Variants in TSC2 observed in about 807,000 individuals in gnomAD.
TSC2 encodes the protein tuberin.
In TSC2, 29 loss-of-function variants were observed where a neutral mutation model predicts 202.2. That is an observed-to-expected ratio of 0.14 (90% CI 0.11 to 0.20). TSC2 has a LOEUF of 0.20. Ranked by LOEUF, TSC2 falls within the 10% of genes least tolerant of loss-of-function variation. The pLI is 1.00. For missense variants in TSC2, 2,429 were observed against 2,420.0 expected (o/e 1.00, Z -0.08); for synonymous variants, 1,349 against 1,044.0 (o/e 1.29, Z -5.63).
intron 17 of TSC2, among the ~76,000 whole-genome samples, chr16:2,071,170 G>A (rs897711446): frequency 2.0e-5 from 3 of 152,238 alleles, no homozygotes; most frequent in African/African-American, 7.2e-5. Context: ...GAAGTGGCAG[G>A]GCTGGGAGCT....
In TSC2 at chr16:2,083,683, G is replaced by T; in HGVS notation, c.3884-12G>T. The T allele has an allele frequency of 6.4e-7, 1 of 1,573,582 alleles. No individual in the cohort carries two copies. Among genetic ancestry groups the T allele is most frequent in the Non-Finnish European group, 8.6e-7 (1 of 1,159,962 alleles). On this transcript the variant is annotated splice_polypyrimidine_tract_variant and intron_variant, in intron 32 of 41. Coordinates refer to ENST00000219476, the MANE Select transcript of TSC2 (RefSeq NM_000548.5). ...AGCCCCACATCCAGCAGCCCCGTCTGTGTCCTCCCAGACTCCGCCGTGGTC... is the reference window on the plus strand; with the variant it reads ...AGCCCCACATCCAGCAGCCCCGTCTTTGTCCTCCCAGACTCCGCCGTGGTC...
rs2086820146 is a variant in TSC2 at position 2,062,966 on chromosome 16, C to T, written c.1362-6C>T. On this transcript the variant is annotated splice_region_variant and splice_polypyrimidine_tract_variant and intron_variant, in intron 13 of 41. Transcript: ENST00000219476. ...CCACCCGCCCCAGCAGGCTGCCGTC[C>T]CGCAGGAGCGAGTCCCGAGGCGCCG... The T allele has an allele frequency of 6.5e-7, 1 of 1,549,944 alleles. No individual in the cohort carries two copies. The highest frequency in any genetic ancestry group is 1.2e-5 in the South Asian group (1 of 84,022).
In TSC2 at chr16:2,081,714, C is replaced by T. The variant is rs993614997; in HGVS notation, c.3730C>T (p.His1244Tyr). 2.5e-6 allele frequency: 4 copies of T among 1,612,858 alleles called. No individual in the cohort carries two copies. The African/African-American group carries it at 5.3e-5, about 22-fold the overall frequency. ...ALMAAERFKE[H>Y]RDTALYKSLS... is the part of the protein sequence containing the mutation. ...CATGGCGGCTGAGCGCTTCAAGGAG[C>T]ACCGGGACACAGCCCTGTACAAGTC... The change falls in exon 31 of 42, where the codon CAC (histidine) becomes TAC (tyrosine). Residue 1244 changes from histidine (H) to tyrosine (Y), a missense_variant. By Grantham distance (83) the His-to-Tyr change is moderately conservative. Transcript: ENST00000219476.
chr16:2,067,321 C>A (rs988929664), intron 16 of TSC2, among the ~76,000 whole-genome samples: 1 of 152,046 alleles, frequency 6.6e-6, no homozygotes, highest in Non-Finnish European at 1.5e-5. Flanking sequence ...GTCACCACAC[C>A]TGGCTAATTT....
In TSC2 at chr16:2,055,531, A is replaced by G. The variant is rs747510748; in HGVS notation, c.599+12A>G. ...GCAAGGATGGTTCAGTAAGAAAAGA[A>G]TTGAGATCCTGTTCTGATAATGGTC... is the stretch of plus-strand genomic sequence containing the variant. On this transcript the variant is annotated intron_variant, in intron 6 of 41. Transcript: ENST00000219476. 1 of 1,607,858 alleles carries G rather than the reference A, an allele frequency of 6.2e-7. No individual in the cohort carries two copies. The highest frequency in any genetic ancestry group is 1.1e-5 in the South Asian group (1 of 90,952).
Position 2,047,997 on chromosome 16 carries a change from G to A in TSC2, c.-98G>A. 3 of 1,508,766 alleles carry A rather than the reference G, an allele frequency of 2.0e-6. No homozygotes were observed. Among genetic ancestry groups the A allele is most frequent in the Non-Finnish European group, 2.7e-6 (3 of 1,130,886 alleles). The allele number at this position is 1,508,766 out of a possible 1,614,324, so 93.5% of individuals were successfully genotyped here. A position where few individuals can be genotyped will look rare whatever the true frequency, so the allele number is the denominator to read the frequency against. On this transcript the variant is annotated 5_prime_UTR_variant, in exon 1 of 42. Transcript: ENST00000219476. The stretch of plus-strand genomic sequence containing the variant: ...AAGTGCGGGTCGCGCTTCCGGCGGC[G>A]TCCCGGGGCCAGGGGGGTGCGCCTT...
At chr16:2,085,740 A>G (rs1027756014) in intron 36 of TSC2, among the ~76,000 whole-genome samples, 1 of 152,218 alleles carries the variant, frequency 6.6e-6, no homozygotes, top group Non-Finnish European at 1.5e-5. Context: ...GGGAGCCGAC[A>G]GGATGGGCAG....
In TSC2 at chr16:2,088,879, GCGCACACA is replaced by G; in HGVS notation, c.*271_*278del. On this transcript the variant is annotated 3_prime_UTR_variant, in exon 42 of 42. Coordinates refer to ENST00000219476, the MANE Select transcript of TSC2 (RefSeq NM_000548.5). ...ATACAGCACACTCGCGCGTGCGCGC[GCGCACACA>G]CACACACACACAGTCACCTTCCTCC... 1.5e-5 allele frequency: 7 copies of G among 469,666 alleles called. No individual in the cohort carries two copies. Among genetic ancestry groups the G allele is most frequent in the South Asian group, 2.1e-5 (1 of 47,394 alleles). The allele number at this position is 469,666 out of a possible 1,614,324, so 29.1% of individuals were successfully genotyped here.
chr16:2,072,058 G>GCCTTCCC, intron 19 of TSC2, 124 bp downstream of exon 19: 3 of 1,481,292 alleles, frequency 2.0e-6, no homozygotes, highest in Non-Finnish European at 2.7e-6. Flanking sequence ...TCAGAGCTGA[G>GCCTTCCC]CCTTCCCCCT....
rs1446873736 is a variant in TSC2, at chr16:2,053,405, G to T, written c.289G>T (p.Ala97Ser). 2.5e-6 allele frequency: 4 copies of T among 1,589,396 alleles called. No homozygotes were observed. The South Asian group carries it at 4.6e-5, about 18-fold the overall frequency. ...DLLQPERPLEARHAVLALLKA... is the reference protein window; with the variant it reads ...DLLQPERPLESRHAVLALLKA... ...GTTGCAGCCGGAGCGGCCGCTGGAG[G>T]CCCGGCACGCGGTGCTGGCTCTGCT... Residue 97 changes from alanine (A) to serine (S), a missense_variant, in exon 4 of 42, where the codon GCC (alanine) becomes TCC (serine). By Grantham distance (99) the Ala-to-Ser change is moderately conservative. Coordinates refer to ENST00000219476, the MANE Select transcript of TSC2 (RefSeq NM_000548.5).
rs1393378467 is a variant in TSC2, at chr16:2,076,419, C to T, written c.2743-72C>T. On this transcript the variant is annotated intron_variant, in intron 24 of 41. Coordinates refer to ENST00000219476, the MANE Select transcript of TSC2 (RefSeq NM_000548.5). ...GCAGCTTGTCCCTGGCCAGGGGGCA[C>T]CCGGCAGGCCTGGTGAGGGCCTCCA... is the stretch of plus-strand genomic sequence containing the variant. 16 of 1,600,850 alleles carry T rather than the reference C, an allele frequency of 1.0e-5. 1 individual carries two copies. The highest frequency in any genetic ancestry group is 1.1e-5 in the Non-Finnish European group (13 of 1,171,684).
rs1368794295 is a variant in TSC2 at position 2,056,907 on chromosome 16, TC to T, written c.774+141del. 3.4e-6 allele frequency: 5 copies of T among 1,487,214 alleles called. No individual in the cohort carries two copies. In the Admixed American group the frequency reaches 8.5e-5, roughly 25 times the overall value. The allele number at this position is 1,487,214 out of a possible 1,614,324, so 92.1% of individuals were successfully genotyped here. On this transcript the variant is annotated intron_variant, in intron 8 of 41. Transcript: ENST00000219476. ...TGTTGAGGGACGGCCAGTGTCATTT[TC>T]CCAGGCAGTTGAGCTGAGGTCAGGG...
rs187394578 is a variant in TSC2 at position 2,083,921 on chromosome 16, T to A, written c.4005+105T>A. The A allele has an allele frequency of 1.0e-3, 1,475 of 1,477,444 alleles. 1 individual carries two copies. The highest frequency in any genetic ancestry group is 1.7e-3 in the Admixed American group (73 of 42,654). 91.5% of individuals were successfully genotyped at this position (1,477,444 alleles called of 1,614,324 possible). A position where few individuals can be genotyped will look rare whatever the true frequency, so the allele number is the denominator to read the frequency against. ...GCACCCTGGGAACTGGCTCTGAACT[T>A]GGGGGAGATGTTCTTCCACATCCCT... On this transcript the variant is annotated intron_variant, in intron 33 of 41. Coordinates refer to ENST00000219476, the MANE Select transcript of TSC2 (RefSeq NM_000548.5).
At position 2,064,104 on chromosome 16, in the gene TSC2, G is replaced by A. The variant is rs963521878; in HGVS notation, c.1444-168G>A. 97 of 1,102,216 alleles carry A rather than the reference G, an allele frequency of 8.8e-5. 1 individual carries two copies. In the Middle Eastern group the frequency reaches 1.2e-3, roughly 14 times the overall value. 68.3% of individuals were successfully genotyped at this position (1,102,216 alleles called of 1,614,324 possible). A position where few individuals can be genotyped will look rare whatever the true frequency, so the allele number is the denominator to read the frequency against. Reference sequence around the variant, plus strand: ...GGACAGGATCCCTGGAAGGGGCCCCGGGGTCTCTGAGTCGCGCTCAGCGGG... The same window carrying A: ...GGACAGGATCCCTGGAAGGGGCCCCAGGGTCTCTGAGTCGCGCTCAGCGGG... On this transcript the variant is annotated intron_variant, in intron 14 of 41. Coordinates refer to ENST00000219476, the MANE Select transcript of TSC2 (RefSeq NM_000548.5).
At chr16:2,056,077 G>T (rs1038443719) in intron 6 of TSC2, 119 bp from the exon 7 acceptor site, 1 of 1,331,276 alleles carries the variant, frequency 7.5e-7, no homozygotes, top group Non-Finnish European at 1.1e-6. Context: ...GGGTGGGTGG[G>T]ACCCCCAGGG....
chr16:2,084,239 C>T lies in TSC2; in HGVS notation c.4017C>T (p.Val1339=), dbSNP rs876658217. 5.0e-6 allele frequency: 8 copies of T among 1,595,200 alleles called. No individual in the cohort carries two copies. Among genetic ancestry groups the T allele is most frequent in the Non-Finnish European group, 6.8e-6 (8 of 1,170,464 alleles). ...RTDAYSRSSS[V]SSQEEKSLHA... ...ATGGTCCTTTCTAGTCGTCCTCAGT[C>T]TCCAGCCAGGAGGAGAAGTCGCTCC... Residue 1339 remains valine, a synonymous_variant, in exon 34 of 42, where the codon GTC becomes GTT. Transcript: ENST00000219476.
intron 16 of TSC2, among the ~76,000 whole-genome samples, chr16:2,067,461 C>T (rs146326296): frequency 0.012 from 1,771 of 151,094 alleles, 17 homozygotes; most frequent in Non-Finnish European, 0.017. Flanking sequence ...CACACCTGGC[C>T]GTGGTGTTTG....
chr16:2,051,802 C>T (rs749451905), intron 3 of TSC2, among the ~76,000 whole-genome samples: 5 of 152,092 alleles, frequency 3.3e-5, no homozygotes, highest in Non-Finnish European at 7.4e-5. Context: ...CAGTGGTTCA[C>T]GCCTGTAATC....
At chr16:2,050,256 C>T in intron 2 of TSC2, 144 bp from the exon 3 acceptor site, 2 of 860,282 alleles carry the variant, frequency 2.3e-6, no homozygotes, top group South Asian at 1.4e-5. Flanking sequence ...CGCGGCTCGT[C>T]AAGTGAATCT....
Sources: gnomAD v4.1 joint callset for allele counts (sites outside exome capture counted in the v4.1 genomes callset) on GRCh38, gnomAD v4.1.1 for gene constraint, MANE v1.5 for transcripts, NCBI Gene and HGNC (gene_info 2026-07-23, HGNC 2026-07-21) for gene names.